TEX13C: variants seen among roughly 807,000 people sequenced by gnomAD.
The protein encoded by TEX13C is TEX13 family member C, also known as testis-expressed protein 13C.
For missense variants in TEX13C, 480 were observed against 298.7 expected (o/e 1.61, Z -4.47); for synonymous variants, 219 against 116.6 (o/e 1.88, Z -5.65).
rs1364680949 is a variant in TEX13C, at chrX:125,321,483, T to C, written c.1364T>C (p.Leu455Pro). ...ATGATGTGCCAGGAGATGGTCCCCC[T>C]GGGGGACAGCAACAGCCATAGCCTG... is the stretch of plus-strand genomic sequence containing the variant. Residue 455 changes from leucine to proline, a missense_variant, in exon 1 of 1, where the codon CTG becomes CCG. Coordinates refer to ENST00000632600, the Ensembl canonical transcript of TEX13C. 8 of 508,223 alleles carry C rather than the reference T, an allele frequency of 1.6e-5. No homozygotes were observed. In the East Asian group the frequency reaches 2.6e-4, roughly 16 times the overall value. 41.9% of individuals were successfully genotyped at this position (508,223 alleles called of 1,213,427 possible).
exon 1 of TEX13C, chrX:125,325,019 T>G (rs992151267): frequency 1.8e-5 from 2 of 112,023 alleles, no homozygotes; most frequent in Non-Finnish European, 3.8e-5. Flanking sequence ...GTGTGTTCTC[T>G]GCAGGCTTAC....
chrX:125,323,594 G>A (rs1238541698), exon 1 of TEX13C: 1 of 111,667 alleles, frequency 9.0e-6, no homozygotes, highest in Non-Finnish European at 1.9e-5. Context: ...TGATTTTAGA[G>A]TTCCAGGCTA....
At chrX:125,320,035 T>A (rs2018818860), upstream of TEX13C, 1 of 449,242 alleles carries the variant, frequency 2.2e-6, no homozygotes, top group South Asian at 3.2e-5. Flanking sequence ...GTGGACTGGT[T>A]GGTGGCAGCA....
chrX:125,322,531 G>T, exon 1 of TEX13C: 1 of 508,814 alleles, frequency 2.0e-6, no homozygotes, highest in South Asian at 2.5e-5. Flanking sequence ...TGCCCCAGGG[G>T]ACAGCCTCCC....
At chrX:125,323,664 T>G (rs2018868680) in exon 1 of TEX13C, 1 of 112,180 alleles carries the variant, frequency 8.9e-6, no homozygotes, top group Admixed American at 9.5e-5. Context: ...TTGAAATTAC[T>G]GCAGTGTTGA....
chrX:125,322,407 T>C (rs1162996372), exon 1 of TEX13C: 1 of 481,051 alleles, frequency 2.1e-6, no homozygotes, highest in African/African-American at 3.0e-5. Context: ...CCCCAGAACA[T>C]GGTCCCCCTG....
rs756409113 is a variant in TEX13C at position 125,323,518 on chromosome X, G to GT, written c.*429dup. ...GCCTGTTTTAAATCAACCATTTTCT[G>GT]TTTTTTTTTTTTCTCTTAACCTCCT... On this transcript the variant is annotated 3_prime_UTR_variant, in exon 1 of 1. Coordinates refer to ENST00000632600, the Ensembl canonical transcript of TEX13C. 513 of 101,614 alleles carry GT rather than the reference G, an allele frequency of 5.0e-3. 1 individual carries two copies. The highest frequency in any genetic ancestry group is 6.2e-3 in the East Asian group (20 of 3,233). 8.4% of individuals were successfully genotyped at this position (101,614 alleles called of 1,213,427 possible). A position where few individuals can be genotyped will look rare whatever the true frequency, so the allele number is the denominator to read the frequency against.
exon 1 of TEX13C, chrX:125,324,153 T>C (rs756574136): frequency 8.9e-6 from 1 of 111,938 alleles, no homozygotes; most frequent in Non-Finnish European, 1.9e-5. Context: ...GAAATAGTTA[T>C]TGCCTAGTAT....
At chrX:125,323,350 A>G (rs1206983513) in exon 1 of TEX13C, 1 of 254,109 alleles carries the variant, frequency 3.9e-6, no homozygotes, top group Non-Finnish European at 6.9e-6. Context: ...TATTTGAATA[A>G]AGAGAGACTA....
Position 125,321,385 on chromosome X carries a change from G to GA in TEX13C, c.1269dup (p.Asp424ArgfsTer39). 1 of 515,289 alleles carries GA rather than the reference G, an allele frequency of 1.9e-6. No homozygotes were observed. The highest frequency in any genetic ancestry group is 3.5e-6 in the Non-Finnish European group (1 of 286,946). 42.5% of individuals were successfully genotyped at this position (515,289 alleles called of 1,213,427 possible). On this transcript the variant is annotated frameshift_variant, in exon 1 of 1. Coordinates refer to ENST00000632600, the Ensembl canonical transcript of TEX13C. LOFTEE classifies it low-confidence loss of function (END_TRUNC). ...GGGACAGCAACAGCCACAGCATGAA[G>GA]AAAGATCCAGTGATGCCCCAGAAGA...
rs750520457 is a variant in TEX13C at position 125,321,269 on chromosome X, G to A, written c.1150G>A (p.Val384Ile). Residue 384 changes from valine (V) to isoleucine (I), a missense_variant, in exon 1 of 1, where the codon GTT becomes ATT. Physicochemically the swap from Val to Ile is conservative, Grantham distance 29 (BLOSUM62 3). Transcript: ENST00000632600. ...CAGCCACAGCCTGAAGAAAGATCCA[G>A]TTGTGCCCAAGGAGATTGTCCCCAT... 5.3e-4 allele frequency: 274 copies of A among 512,641 alleles called. 2 individuals carry two copies. In the East Asian group the frequency reaches 7.8e-3, roughly 15 times the overall value. The allele number at this position is 512,641 out of a possible 1,213,427, so 42.2% of individuals were successfully genotyped here.
chrX:125,324,972 T>C (rs1474003791), exon 1 of TEX13C: 1 of 111,731 alleles, frequency 9.0e-6, no homozygotes, highest in African/African-American at 3.3e-5. Context: ...GCAAGCACTT[T>C]TGGGAATACC....
chrX:125,321,435 G>A (rs1383284528), exon 1 of TEX13C: 1 of 511,597 alleles, frequency 2.0e-6, no homozygotes, highest in Non-Finnish European at 3.5e-6. Flanking sequence ...GACAGCAACA[G>A]CCACAGTCTG....
At position 125,320,702 on chromosome X, in the gene TEX13C, C is replaced by CA. The variant is rs1454805522; in HGVS notation, c.584dup (p.His195GlnfsTer17). 2 of 514,064 alleles carry CA rather than the reference C, an allele frequency of 3.9e-6. No homozygotes were observed. The highest frequency in any genetic ancestry group is 7.0e-6 in the Non-Finnish European group (2 of 286,873). The allele number at this position is 514,064 out of a possible 1,213,427, so 42.4% of individuals were successfully genotyped here. A position where few individuals can be genotyped will look rare whatever the true frequency, so the allele number is the denominator to read the frequency against. ...GGCCACAGAGGCACAGGGAATGCCA[C>CA]ATTCGGAAGCCCAGGTAGCAGCCCC... On this transcript the variant is annotated frameshift_variant, in exon 1 of 1. Transcript: ENST00000632600. LOFTEE classifies it low-confidence loss of function (END_TRUNC).
At chrX:125,323,934 G>C (rs1404139275) in exon 1 of TEX13C, 1 of 111,901 alleles carries the variant, frequency 8.9e-6, no homozygotes, top group African/African-American at 3.3e-5. Context: ...GAACAAAATT[G>C]TTTTTGTAGA....
At chrX:125,322,908 A>G in exon 1 of TEX13C, 1 of 515,422 alleles carries the variant, frequency 1.9e-6, no homozygotes. Context: ...CACCAGCCTC[A>G]GGGGCAGAAG....
chrX:125,323,332 T>A, exon 1 of TEX13C: 1 of 282,528 alleles, frequency 3.5e-6, no homozygotes, highest in East Asian at 6.0e-5. Flanking sequence ...TTTCTTATTT[T>A]ATTCATTTAT....
chrX:125,320,038 T>C (rs2018818918), upstream of TEX13C: 1 of 449,991 alleles, frequency 2.2e-6, no homozygotes, highest in African/African-American at 2.4e-5. Context: ...GACTGGTTGG[T>C]GGCAGCAACC....
chrX:125,322,533 C>T (rs1569520633), exon 1 of TEX13C: 2 of 509,309 alleles, frequency 3.9e-6, no homozygotes, highest in Admixed American at 5.3e-5. Context: ...CCCCAGGGGA[C>T]AGCCTCCCTG....
Sources: allele counts gnomAD v4.1 joint callset, GRCh38; gene constraint gnomAD v4.1.1; transcripts MANE v1.5; gene names NCBI Gene and HGNC (gene_info 2026-07-23, HGNC 2026-07-21).